The following TMEM176B variants were observed in gnomAD, a reference collection of about 807,000 sequenced individuals.
The protein encoded by TMEM176B is transmembrane protein 176B, also known as LR8-like protein.
In TMEM176B, 28 loss-of-function variants were observed where a neutral mutation model predicts 30.3. The ratio of observed to expected loss-of-function variants is 0.92; its 90% CI spans 0.68 to 1.27. The LOEUF (loss-of-function observed/expected upper bound fraction) is 1.27. TMEM176B is among the 50% of genes most tolerant of loss of function. The pLI is 0.00. For synonymous variants in TMEM176B, 123 were observed against 130.3 expected (o/e 0.94, Z 0.38); for missense variants, 349 against 327.4 (o/e 1.07, Z -0.51).
At chr7:150,792,973 G>T in intron 5 of TMEM176B, 115 bp downstream of exon 5, 1 of 924,668 alleles carries the variant, frequency 1.1e-6, no homozygotes, top group Non-Finnish European at 1.7e-6. Context: ...CTGAATGAAA[G>T]ACCCAGCATG....
chr7:150,793,103 G>C lies in TMEM176B; in HGVS notation c.585C>G (p.Tyr195Ter). The change falls in exon 5 of 7, where the codon TAC (tyrosine) becomes TAG (stop). Residue 195 changes from tyrosine to a stop codon, truncating the protein, a stop_gained. Coordinates refer to ENST00000326442, the MANE Select transcript of TMEM176B (RefSeq NM_001101312.2). LOFTEE classifies it high-confidence loss of function. Reference protein sequence around the residue: ...NQWQKEECRAYMQMLRKLFTA... With the variant: ...NQWQKEECRA Reference sequence around the variant, plus strand: ...TCCTGCTCACCCTCAGCATCTGCATGTAAGCTCTACACTCCTCCTTCTGCC... The same window carrying C: ...TCCTGCTCACCCTCAGCATCTGCATCTAAGCTCTACACTCCTCCTTCTGCC... 5 of 1,613,784 alleles carry C rather than the reference G, an allele frequency of 3.1e-6. No individual in the cohort carries two copies. The highest frequency in any genetic ancestry group is 4.2e-6 in the Non-Finnish European group (5 of 1,179,918).
chr7:150,795,978 T>C (rs1043784191), intron 2 of TMEM176B, among the ~76,000 whole-genome samples: 2 of 152,160 alleles, frequency 1.3e-5, no homozygotes, highest in Non-Finnish European at 2.9e-5. Flanking sequence ...GCACAAAATG[T>C]TGCTCCCAAA....
At position 150,793,336 on chromosome 7, in the gene TMEM176B, T is replaced by G. The variant is rs10215381; in HGVS notation, c.373-21A>C. On this transcript the variant is annotated intron_variant, in intron 4 of 6. Transcript: ENST00000326442. Reference sequence around the variant, plus strand: ...TAGCCCTGGAAGAGAAAGAGGGTCATGACACACGCTCCTTCAATCGGTGGA... The same window carrying G: ...TAGCCCTGGAAGAGAAAGAGGGTCAGGACACACGCTCCTTCAATCGGTGGA... 51 of 1,607,216 alleles carry G rather than the reference T, an allele frequency of 3.2e-5. No individual in the cohort carries two copies. The Middle Eastern group carries it at 9.9e-4, about 31-fold the overall frequency.
chr7:150,795,246 C>T (rs1798481176), intron 2 of TMEM176B, among the ~76,000 whole-genome samples: 1 of 152,196 alleles, frequency 6.6e-6, no homozygotes, highest in Non-Finnish European at 1.5e-5. Context: ...AGGACAGACT[C>T]CTCACCTGGT....
At chr7:150,800,388 A>C (rs998412063), upstream of TMEM176B, 1 of 152,152 alleles carries the variant, frequency 6.6e-6, no homozygotes, top group South Asian at 2.1e-4. Flanking sequence ...CGGCAGATGC[A>C]CGGGTGGGGG....
At chr7:150,793,649 G>T (rs1258726215) in intron 3 of TMEM176B, 49 bp from the exon 4 acceptor site, 1 of 1,592,078 alleles carries the variant, frequency 6.3e-7, no homozygotes, top group African/African-American at 1.3e-5. Context: ...TTCTGAATTG[G>T]TCTATCATCA....
chr7:150,794,318 AC>A (rs1186971525), intron 2 of TMEM176B, among the ~76,000 whole-genome samples: 1 of 151,252 alleles, frequency 6.6e-6, no homozygotes, highest in East Asian at 2.0e-4. Context: ...CCCAACTTCA[AC>A]ACTTTCTCAT....
At chr7:150,800,971 G>T, upstream of TMEM176B, 1 of 985,954 alleles carries the variant, frequency 1.0e-6, no homozygotes, top group Non-Finnish European at 1.2e-6. Flanking sequence ...GAAGCCAGGT[G>T]CGGCCCCGGC....
At position 150,793,089 on chromosome 7, in the gene TMEM176B, C is replaced by A; in HGVS notation, c.599G>T (p.Arg200Met). 1 of 1,613,652 alleles carries A rather than the reference C, an allele frequency of 6.2e-7. No homozygotes were observed. Among genetic ancestry groups the A allele is most frequent in the South Asian group, 1.1e-5 (1 of 91,006 alleles). The change falls in exon 5 of 7, where the codon AGG (arginine) becomes ATG (methionine). Residue 200 changes from arginine to methionine, a missense_variant and splice_region_variant. Arg to Met is a moderately conservative substitution (Grantham distance 91). Transcript: ENST00000326442. ...EECRAYMQMLRKLFTAIRALF... is the reference protein window; with the variant it reads ...EECRAYMQMLMKLFTAIRALF... ...GAAGACTGGACTCTTCCTGCTCACC[C>A]TCAGCATCTGCATGTAAGCTCTACA...
chr7:150,795,198 G>A (rs763271932), intron 2 of TMEM176B, among the ~76,000 whole-genome samples: 1 of 152,122 alleles, frequency 6.6e-6, no homozygotes, highest in Non-Finnish European at 1.5e-5. Flanking sequence ...TTCCTGCTCA[G>A]AATCCATTGA....
At chr7:150,797,311 T>C (rs1293404866) in intron 1 of TMEM176B, among the ~76,000 whole-genome samples, 2 of 152,216 alleles carry the variant, frequency 1.3e-5, no homozygotes, top group African/African-American at 4.8e-5. Context: ...CATATGTTTT[T>C]AGAATAATCC....
At chr7:150,794,098 C>A in intron 2 of TMEM176B, 27 bp from the exon 3 acceptor site, 1 of 1,590,704 alleles carries the variant, frequency 6.3e-7, no homozygotes, top group African/African-American at 1.3e-5. Context: ...GAAACCAGAC[C>A]CCTTCCCGTG....
chr7:150,796,165 A>G (rs1798514638), intron 2 of TMEM176B, among the ~76,000 whole-genome samples: 1 of 152,196 alleles, frequency 6.6e-6, no homozygotes, highest in African/African-American at 2.4e-5. Context: ...GCAATATGTA[A>G]CATTTCTCCT....
chr7:150,801,206 A>T, upstream of TMEM176B: 1 of 212,154 alleles, frequency 4.7e-6, no homozygotes, highest in South Asian at 1.5e-4. Flanking sequence ...CCGCAGGAAG[A>T]GCCCGGGAGG....
rs780715307 is a variant in TMEM176B, at chr7:150,796,388, C to A, written c.182G>T (p.Gly61Val). 6.2e-7 allele frequency: 1 copy of A among 1,614,232 alleles called. No individual in the cohort carries two copies. The highest frequency in any genetic ancestry group is 8.5e-7 in the Non-Finnish European group (1 of 1,180,052). Reference sequence around the variant, plus strand: ...TACCCCTAGAGCCAGCTGCTCATAACCAATCCTGGCTGTGGAAGGCACAGT... The same window carrying A: ...TACCCCTAGAGCCAGCTGCTCATAAACAATCCTGGCTGTGGAAGGCACAGT... ...GDTVPSTARI[G>V]YEQLALGVTQ... is the part of the protein sequence containing the mutation. The change falls in exon 2 of 7, where the codon GGT becomes GTT. Residue 61 changes from glycine (G) to valine (V), a missense_variant. Transcript: ENST00000326442.
intron 6 of TMEM176B, 26 bp downstream of exon 6, chr7:150,792,030 C>T: frequency 6.2e-7 from 1 of 1,612,856 alleles, no homozygotes; most frequent in East Asian, 2.2e-5. Context: ...CTCACGCTGC[C>T]CAGAGGCCCC....
chr7:150,792,697 A>G (rs1798362353), intron 5 of TMEM176B, among the ~76,000 whole-genome samples: 1 of 152,198 alleles, frequency 6.6e-6, no homozygotes, highest in Non-Finnish European at 1.5e-5. Context: ...CTGCATGAGA[A>G]AACCCGTGAG....
Position 150,794,021 on chromosome 7 carries a change from G to A in TMEM176B, c.255C>T (p.Leu85=). ...TCAGCACAGTCCAGGGCCCCAAGCT[G>A]AGACACACTCCAAGAACACAACTCA... The part of the protein sequence containing the change: ...GVVSCVLGVC[L]SLGPWTVLSA... Residue 85 remains leucine (L), a synonymous_variant, in exon 3 of 7, where the codon CTC becomes CTT. Coordinates refer to ENST00000326442, the MANE Select transcript of TMEM176B (RefSeq NM_001101312.2). The A allele has an allele frequency of 6.2e-7, 1 of 1,613,968 alleles. No homozygotes were observed. Among genetic ancestry groups the A allele is most frequent in the South Asian group, 1.1e-5 (1 of 91,076 alleles).
chr7:150,791,880 A>G (rs530007604), intron 6 of TMEM176B, among the ~76,000 whole-genome samples, 176 bp downstream of exon 6: 1 of 152,104 alleles, frequency 6.6e-6, no homozygotes, highest in South Asian at 2.1e-4. Flanking sequence ...TTGGCCCAGG[A>G]CCATGGTGAT....
Sources: gnomAD v4.1 joint callset for allele counts (sites outside exome capture counted in the v4.1 genomes callset) on GRCh38, gnomAD v4.1.1 for gene constraint, MANE v1.5 for transcripts, NCBI Gene and HGNC (gene_info 2026-07-23, HGNC 2026-07-21) for gene names.